The following SGCD variants were observed in gnomAD, a reference collection of about 807,000 sequenced individuals.
SGCD encodes the protein sarcoglycan delta.
SGCD carries 18 observed loss-of-function variants against 36.6 expected under a neutral mutation model. The observed-to-expected ratio is 0.49, with a 90% CI of 0.34 to 0.73. The LOEUF is 0.73. SGCD is among the 30% of genes least tolerant of loss of function. SGCD has a pLI of 0.01. For synonymous variants in SGCD, 133 were observed against 130.6 expected (o/e 1.02, Z -0.12); for missense variants, 387 against 346.7 (o/e 1.12, Z -0.92).
chr5:155,853,859 A>G, the SGCD span, among the ~76,000 whole-genome samples: 2 of 152,172 alleles, frequency 1.3e-5, no homozygotes, highest in East Asian at 3.9e-4. Flanking sequence ...GGGTGAATTA[A>G]CCAAGGTTAT....
chr5:156,202,162 T>A (rs1764167814), intron 3 of SGCD, among the ~76,000 whole-genome samples: 1 of 152,194 alleles, frequency 6.6e-6, no homozygotes, highest in South Asian at 2.1e-4. Context: ...CCTTTGCCGT[T>A]AAAGTGATCT....
intron 3 of SGCD, among the ~76,000 whole-genome samples, chr5:156,422,073 T>C (rs1004796277): frequency 6.6e-6 from 1 of 152,098 alleles, no homozygotes; most frequent in African/African-American, 2.4e-5. Flanking sequence ...TATCACCCAG[T>C]AGCCAGGGTT....
intron 1 of SGCD, among the ~76,000 whole-genome samples, chr5:156,029,025 C>A (rs1027916851): frequency 5.4e-5 from 8 of 148,398 alleles, no homozygotes; most frequent in Non-Finnish European, 8.9e-5. Context: ...AGCTTTTAGG[C>A]TTTTATGTTT....
At chr5:155,898,394 G>T (rs1756315696) in intron 1 of SGCD, among the ~76,000 whole-genome samples, 1 of 152,108 alleles carries the variant, frequency 6.6e-6, no homozygotes, top group Non-Finnish European at 1.5e-5. Flanking sequence ...TCTCCTCTCA[G>T]CTGGATAGTA....
chr5:156,719,588 G>C (rs1191341738), intron 7 of SGCD, among the ~76,000 whole-genome samples: 1 of 152,244 alleles, frequency 6.6e-6, no homozygotes, highest in East Asian at 1.9e-4. Flanking sequence ...TGGACATACA[G>C]TACTGCAGAG....
intron 1 of SGCD, among the ~76,000 whole-genome samples, chr5:156,091,762 G>A (rs1761250340): frequency 6.6e-6 from 1 of 152,222 alleles, no homozygotes; most frequent in Admixed American, 6.5e-5. Context: ...ACCCTGCAAT[G>A]AGCCAGTAGC....
intron 3 of SGCD, among the ~76,000 whole-genome samples, chr5:156,363,283 C>G (rs560281151): frequency 2.6e-5 from 4 of 152,144 alleles, no homozygotes; most frequent in Non-Finnish European, 5.9e-5. Context: ...TGGTAACTCA[C>G]GTATTTCTAA....
At chr5:156,589,200 T>G in intron 4 of SGCD, 31 bp from the exon 5 acceptor site, 1 of 1,433,720 alleles carries the variant, frequency 7.0e-7, no homozygotes, top group Non-Finnish European at 9.6e-7. Context: ...ATCTATCATT[T>G]TCATGTCTTT....
chr5:155,974,789 G>A (rs915150451), intron 1 of SGCD, among the ~76,000 whole-genome samples: 1 of 151,954 alleles, frequency 6.6e-6, no homozygotes, highest in African/African-American at 2.4e-5. Context: ...GCGGACAGTG[G>A]ACCCTTGAAG....
intron 4 of SGCD, among the ~76,000 whole-genome samples, chr5:156,554,636 A>G (rs535149755): frequency 6.7e-6 from 1 of 148,378 alleles, no homozygotes; most frequent in Non-Finnish European, 1.5e-5. Flanking sequence ...ATGTGCATAT[A>G]ATATATATTA....
the SGCD span, among the ~76,000 whole-genome samples, chr5:155,834,444 A>G: frequency 6.6e-6 from 1 of 152,136 alleles, no homozygotes; most frequent in Non-Finnish European, 1.5e-5. Flanking sequence ...GTGAAATATG[A>G]CTCATTTTGT....
chr5:156,531,911 C>T (rs892428440), intron 4 of SGCD, among the ~76,000 whole-genome samples: 2 of 151,990 alleles, frequency 1.3e-5, no homozygotes, highest in South Asian at 4.2e-4. Flanking sequence ...GAGTTCGAGA[C>T]CAGCCTGGCC....
At chr5:155,856,886 A>T in the SGCD span, among the ~76,000 whole-genome samples, 1 of 152,210 alleles carries the variant, frequency 6.6e-6, no homozygotes. Context: ...ACTCTCATAC[A>T]TTGTTGGTGA....
intron 7 of SGCD, among the ~76,000 whole-genome samples, chr5:156,735,711 C>CA (rs1229008978): frequency 6.6e-6 from 1 of 152,132 alleles, no homozygotes; most frequent in Non-Finnish European, 1.5e-5. Context: ...TGTGAGGTGC[C>CA]ATAAAAGCAG....
rs748107425 is a variant in SGCD, at chr5:156,589,288, C to A, written c.352C>A (p.Gln118Lys). The change falls in exon 5 of 9, where the codon CAG becomes AAG. Residue 118 changes from glutamine to lysine, a missense_variant. Transcript: ENST00000337851. The stretch of plus-strand genomic sequence containing the variant: ...TGTTACAGTGAACATTCTCAATGAC[C>A]AGACTAAAGTGCTAACTCAGCTTAT... Reference protein sequence around the residue: ...RNVTVNILNDQTKVLTQLITG... With the variant: ...RNVTVNILNDKTKVLTQLITG... The A allele has an allele frequency of 3.2e-6, 5 of 1,574,040 alleles. No homozygotes were observed. In the African/African-American group the frequency reaches 4.0e-5, roughly 13 times the overall value.
intron 4 of SGCD, among the ~76,000 whole-genome samples, chr5:156,515,158 T>G (rs1006080496): frequency 1.3e-5 from 2 of 152,160 alleles, no homozygotes; most frequent in African/African-American, 4.8e-5. Context: ...TTCTAAAATT[T>G]GACTTTTCTC....
the SGCD span, among the ~76,000 whole-genome samples, chr5:155,808,079 G>C: frequency 6.6e-6 from 1 of 152,202 alleles, no homozygotes; most frequent in Admixed American, 6.5e-5. Flanking sequence ...GAAGTCCCCT[G>C]TAGGAGTTCT....
chr5:156,273,054 A>G (rs1766221703), intron 3 of SGCD, among the ~76,000 whole-genome samples: 1 of 152,196 alleles, frequency 6.6e-6, no homozygotes, highest in African/African-American at 2.4e-5. Context: ...CTTTCTTCAT[A>G]CATTTTCCAT....
the SGCD span, among the ~76,000 whole-genome samples, chr5:155,823,104 ATCTATC>A: frequency 5.3e-5 from 8 of 150,224 alleles, no homozygotes; most frequent in East Asian, 1.6e-3. Flanking sequence ...CTATCTATCT[ATCTATC>A]TATCTGGCTA....
Sources: allele counts gnomAD v4.1 joint callset (sites outside exome capture counted in the v4.1 genomes callset), GRCh38; gene constraint gnomAD v4.1.1; transcripts MANE v1.5; gene names NCBI Gene and HGNC (gene_info 2026-07-23, HGNC 2026-07-21).